Variants in FRMD4B observed in about 807,000 individuals in gnomAD.
The protein encoded by FRMD4B is FERM domain-containing protein 4B.
A neutral mutation model predicts 141.5 loss-of-function variants in FRMD4B; 74 were observed. The observed-to-expected ratio is 0.52, with a 90% CI of 0.43 to 0.63. FRMD4B has a LOEUF of 0.63. FRMD4B is among the 30% of genes least tolerant of loss of function. FRMD4B has a pLI of 0.00. For missense variants in FRMD4B, 1,366 were observed against 1,253.4 expected, an observed-to-expected ratio of 1.09 and a Z score of -1.36; for synonymous variants, 506 against 467.9, an observed-to-expected ratio of 1.08 and a Z score of -1.05.
chr3:69,530,967 C>T (rs1287264569), intron 1 of FRMD4B, among the ~76,000 whole-genome samples: 1 of 152,118 alleles, frequency 6.6e-6, no homozygotes, highest in Non-Finnish European at 1.5e-5. Context: ...GACAGAAATA[C>T]CCAAAGAGGG....
At chr3:69,338,826 C>A (rs1304425509) in intron 1 of FRMD4B, among the ~76,000 whole-genome samples, 1 of 152,088 alleles carries the variant, frequency 6.6e-6, no homozygotes, top group Non-Finnish European at 1.5e-5. Flanking sequence ...ACACATACCC[C>A]TGAAACTGAA....
At chr3:69,224,565 A>C (rs773399621) in intron 8 of FRMD4B, 42 bp downstream of exon 8, 33 of 860,634 alleles carry the variant, frequency 3.8e-5, no homozygotes, top group Admixed American at 5.8e-5. Context: ...TTCTGAATGG[A>C]GGCTATGAAA....
chr3:69,486,730 G>T (rs970006361), intron 1 of FRMD4B, among the ~76,000 whole-genome samples: 3 of 152,190 alleles, frequency 2.0e-5, no homozygotes, highest in Non-Finnish European at 4.4e-5. Context: ...CTCAAGGCAT[G>T]TTGAACAAAC....
chr3:69,507,696 T>C (rs1706620911), intron 1 of FRMD4B, among the ~76,000 whole-genome samples: 1 of 152,178 alleles, frequency 6.6e-6, no homozygotes, highest in Non-Finnish European at 1.5e-5. Context: ...GAAAGGGGCA[T>C]CATAACATAA....
At chr3:69,516,967 TC>T (rs1384008700) in intron 1 of FRMD4B, among the ~76,000 whole-genome samples, 1 of 152,154 alleles carries the variant, frequency 6.6e-6, no homozygotes, top group Non-Finnish European at 1.5e-5. Flanking sequence ...TTCACATACT[TC>T]CATACCTCTC....
chr3:69,534,603 G>A (rs538740259), intron 1 of FRMD4B, among the ~76,000 whole-genome samples: 1 of 152,156 alleles, frequency 6.6e-6, no homozygotes, highest in Non-Finnish European at 1.5e-5. Context: ...CTGAAAACCT[G>A]GGTTCTAGCC....
At chr3:69,310,358 C>G (rs1048032330) in intron 3 of FRMD4B, 2 of 416,010 alleles carry the variant, frequency 4.8e-6, no homozygotes, top group Non-Finnish European at 9.7e-6. Flanking sequence ...AAATTGGCAG[C>G]ATTATGAAAA....
chr3:69,241,021 T>A (rs2093378717), intron 7 of FRMD4B, among the ~76,000 whole-genome samples: 1 of 152,192 alleles, frequency 6.6e-6, no homozygotes, highest in Non-Finnish European at 1.5e-5. Flanking sequence ...CAAGTAGCTA[T>A]GATGGGTGTA....
chr3:69,321,995 A>G (rs557814375), intron 1 of FRMD4B, among the ~76,000 whole-genome samples: 5 of 152,306 alleles, frequency 3.3e-5, no homozygotes, highest in African/African-American at 1.2e-4. Context: ...GCTGTGAGCC[A>G]TTGCGTCTGG....
At chr3:69,461,566 G>A (rs1705707394) in intron 1 of FRMD4B, among the ~76,000 whole-genome samples, 1 of 136,312 alleles carries the variant, frequency 7.3e-6, no homozygotes, top group African/African-American at 2.8e-5. Flanking sequence ...TGAGGCCATA[G>A]TGAGCTGTGA....
chr3:69,291,850 C>T (rs1209879392), intron 4 of FRMD4B, among the ~76,000 whole-genome samples: 2 of 151,386 alleles, frequency 1.3e-5, no homozygotes, highest in Non-Finnish European at 2.9e-5. Context: ...ACTAAAGAAC[C>T]CAAGTTAATA....
intron 2 of FRMD4B, among the ~76,000 whole-genome samples, chr3:69,393,321 A>G (rs1243300564): frequency 4.0e-5 from 5 of 123,608 alleles, no homozygotes; most frequent in African/African-American, 1.5e-4. Context: ...ATATTGTCTG[A>G]AGAAGTACAA....
chr3:69,276,794 A>G (rs914129019), intron 5 of FRMD4B, among the ~76,000 whole-genome samples: 5 of 152,242 alleles, frequency 3.3e-5, no homozygotes, highest in African/African-American at 9.6e-5. Flanking sequence ...GTGAAACCCC[A>G]TCTCTACTAA....
At chr3:69,527,268 G>GT in intron 1 of FRMD4B, among the ~76,000 whole-genome samples, 1 of 152,266 alleles carries the variant, frequency 6.6e-6, no homozygotes, top group South Asian at 2.1e-4. Flanking sequence ...ACATTTGAAC[G>GT]TTTTACTCTT....
Position 69,186,293 on chromosome 3 carries a change from T to G in FRMD4B, c.1919+1477A>C, listed in dbSNP as rs184731568. On this transcript the variant is annotated intron_variant, in intron 19 of 22. Transcript: ENST00000398540. ...CAGCATCTTGCTCTGTTGCCCAGGC[T>G]GGGGTGGAGTGACATGATCATAGTT... Among the ~76,000 whole-genome samples the G allele has an allele frequency of 5.0e-3, 705 of 141,022 alleles. 7 individuals are homozygous for G. The highest frequency in any genetic ancestry group is 0.018 in the African/African-American group (673 of 38,078). 92.5% of individuals were successfully genotyped at this position (141,022 alleles called of 152,430 possible).
chr3:69,236,156 A>C (rs2093344293), intron 7 of FRMD4B, among the ~76,000 whole-genome samples: 1 of 152,138 alleles, frequency 6.6e-6, no homozygotes, highest in Non-Finnish European at 1.5e-5. Flanking sequence ...ACCAAACAAA[A>C]ACCATAGCCT....
At chr3:69,532,074 G>A (rs191463940) in intron 1 of FRMD4B, among the ~76,000 whole-genome samples, 114 of 152,306 alleles carry the variant, frequency 7.5e-4, no homozygotes, top group Middle Eastern at 3.4e-3. Flanking sequence ...CTGGGATGGC[G>A]TTCTGTGTTC....
chr3:69,464,318 T>C (rs1243423368), intron 1 of FRMD4B, among the ~76,000 whole-genome samples: 1 of 152,148 alleles, frequency 6.6e-6, no homozygotes, highest in African/African-American at 2.4e-5. Flanking sequence ...TTTTTGACCA[T>C]TTAGAGTGCC....
At chr3:69,232,644 A>C (rs1272288785) in intron 7 of FRMD4B, among the ~76,000 whole-genome samples, 1 of 152,182 alleles carries the variant, frequency 6.6e-6, no homozygotes, top group East Asian at 1.9e-4. Context: ...GTGCTGGAGT[A>C]CTTGTGTGGA....
Sources: gnomAD v4.1 joint callset for allele counts (sites outside exome capture counted in the v4.1 genomes callset) on GRCh38, gnomAD v4.1.1 for gene constraint, MANE v1.5 for transcripts, NCBI Gene and HGNC (gene_info 2026-07-23, HGNC 2026-07-21) for gene names.